The following CBR4 variants were observed in gnomAD, a reference collection of about 807,000 sequenced individuals.
CBR4 encodes carbonyl reductase 4.
In CBR4, 22 loss-of-function variants were observed where a neutral mutation model predicts 21.0. The ratio of observed to expected loss-of-function variants is 1.05; its 90% CI spans 0.75 to 1.50. The LOEUF is 1.50. Ranked by LOEUF, CBR4 falls within the 40% of genes most tolerant of loss-of-function variation. The probability of loss-of-function intolerance (pLI) is 0.00; values close to 1 mark genes in which losing one functional copy is unlikely to be tolerated. For synonymous variants in CBR4, 100 were observed against 104.4 expected (o/e 0.96, Z 0.26); for missense variants, 302 against 286.3 (o/e 1.05, Z -0.40).
rs80041639 is a variant in CBR4, at chr4:168,971,761, T to G, written n.169+30310A>C. 3.3e-5 allele frequency among the ~76,000 whole-genome samples: 5 copies of G among 151,670 alleles called. No individual in the cohort carries two copies. The East Asian group carries it at 9.6e-4, about 29-fold the overall frequency. On this transcript the variant is annotated intron_variant and non_coding_transcript_variant, in intron 2 of 3. Coordinates refer to the CBR4 transcript ENST00000509108. ...TCTGTGAGTTGTTTACGCTGCTGAT[T>G]ATTTCTTTTGCTGTGCAGAAGCTTT... is the stretch of plus-strand genomic sequence containing the variant.
chr4:168,904,401 T>C (rs1757186815), intron 2 of CBR4: 1 of 159,128 alleles, frequency 6.3e-6, no homozygotes, highest in Admixed American at 5.9e-5. Flanking sequence ...TTCAGGTTTA[T>C]CAGTTTTCAT....
intron 3 of CBR4, among the ~76,000 whole-genome samples, chr4:169,006,328 T>C (rs1440757662): frequency 6.6e-6 from 1 of 152,018 alleles, no homozygotes; most frequent in Non-Finnish European, 1.5e-5. Flanking sequence ...TAGTGTGACC[T>C]CGTCTCTATT....
At chr4:168,985,021 T>C (rs1300884210), downstream of CBR4, among the ~76,000 whole-genome samples, 1 of 151,812 alleles carries the variant, frequency 6.6e-6, no homozygotes, top group African/African-American at 2.4e-5. Context: ...TGATGAAGAT[T>C]CCAAAAGCAA....
rs1278879391 is a variant in CBR4, at chr4:168,988,427, A to C, written c.*1723T>G. 1.0e-6 allele frequency: 1 copy of C among 985,342 alleles called. No individual in the cohort carries two copies. Among genetic ancestry groups the C allele is most frequent in the African/African-American group, 1.7e-5 (1 of 57,242 alleles). 61.0% of individuals were successfully genotyped at this position (985,342 alleles called of 1,614,324 possible). On this transcript the variant is annotated 3_prime_UTR_variant, in exon 5 of 5. Transcript: ENST00000306193. ...ACCAATTGAATCAGCCTCGCTCATG[A>C]TTTCAGAGCATAAGGTGTCCAGAGA...
chr4:169,001,899 T>C (rs1434434976), intron 4 of CBR4, 172 bp downstream of exon 4: 8 of 486,094 alleles, frequency 1.6e-5, no homozygotes, highest in East Asian at 6.9e-5. Context: ...AGACTTTATA[T>C]AGAATATGAG....
chr4:168,994,000 A>G (rs1403464116), intron 4 of CBR4, among the ~76,000 whole-genome samples: 2 of 152,158 alleles, frequency 1.3e-5, no homozygotes, highest in East Asian at 3.9e-4. Flanking sequence ...GGTCACGGAG[A>G]CCTTAACACA....
At chr4:168,924,210 C>A in intron 2 of CBR4, 1 of 1,543,222 alleles carries the variant, frequency 6.5e-7, no homozygotes, top group South Asian at 1.1e-5. Context: ...TTCTAGTGCT[C>A]CTTTTGTATA....
chr4:168,969,688 GCAA>G (rs1012131503), intron 2 of CBR4, among the ~76,000 whole-genome samples: 3 of 152,074 alleles, frequency 2.0e-5, no homozygotes, highest in East Asian at 1.9e-4. Context: ...CCGGCTAACA[GCAA>G]CAACAACAAA....
downstream of CBR4, among the ~76,000 whole-genome samples, chr4:168,983,316 G>C (rs1212295127): frequency 6.6e-6 from 1 of 152,078 alleles, no homozygotes; most frequent in East Asian, 1.9e-4. Flanking sequence ...AGAAAACCTA[G>C]AAGAAATGGA....
At chr4:168,970,277 G>A (rs1052100989) in intron 2 of CBR4, among the ~76,000 whole-genome samples, 5 of 151,728 alleles carry the variant, frequency 3.3e-5, no homozygotes, top group South Asian at 4.2e-4. Context: ...TTATGTTTAA[G>A]AATTCCCGCC....
At chr4:168,977,456 G>C (rs574145422) in intron 2 of CBR4, among the ~76,000 whole-genome samples, 1 of 152,134 alleles carries the variant, frequency 6.6e-6, no homozygotes, top group South Asian at 2.1e-4. Context: ...GTTCCTCAAG[G>C]TTCCATCCTA....
intron 2 of CBR4, among the ~76,000 whole-genome samples, chr4:168,911,365 A>G (rs1758912237): frequency 6.6e-6 from 1 of 152,172 alleles, no homozygotes; most frequent in Admixed American, 6.5e-5. Flanking sequence ...CTTACCATGG[A>G]TCTTCTGAGC....
At chr4:168,949,765 T>C (rs1763487957) in intron 2 of CBR4, among the ~76,000 whole-genome samples, 1 of 152,148 alleles carries the variant, frequency 6.6e-6, no homozygotes. Context: ...TTTTTGTTAA[T>C]TTTTAAATTA....
intron 2 of CBR4, chr4:168,904,098 A>G (rs1302916251): frequency 6.6e-6 from 4 of 606,804 alleles, no homozygotes; most frequent in Non-Finnish European, 1.2e-5. Flanking sequence ...TATTTATTCC[A>G]TCAGGTGTTA....
In CBR4 at chr4:169,007,735, C is replaced by T. The variant is rs1216865001; in HGVS notation, c.164G>A (p.Cys55Tyr). The T allele has an allele frequency of 1.3e-6, 2 of 1,583,772 alleles. No individual in the cohort carries two copies. The highest frequency in any genetic ancestry group is 1.4e-5 in the African/African-American group (1 of 73,668). The change falls in exon 2 of 5, where the codon TGT becomes TAT. Residue 55 changes from cysteine (C) to tyrosine (Y), a missense_variant. Coordinates refer to ENST00000306193, the MANE Select transcript of CBR4 (RefSeq NM_032783.5). ...DLGGDHLAFSCDVAKEHDVQN... is the reference protein window; with the variant it reads ...DLGGDHLAFSYDVAKEHDVQN... ...AACATCATGTTCTTTAGCAACATCA[C>T]AGCTAAATGCCAAATGATCTCCTAC...
chr4:168,925,295 T>C (rs1347038093), intron 2 of CBR4: 4 of 1,582,428 alleles, frequency 2.5e-6, no homozygotes, highest in African/African-American at 1.3e-5. Context: ...TTCAGGAACT[T>C]TGAATTATTA....
At chr4:168,959,874 T>TAAA (rs70961565) in intron 2 of CBR4, among the ~76,000 whole-genome samples, 4 of 143,700 alleles carry the variant, frequency 2.8e-5, no homozygotes, top group South Asian at 2.2e-4. Context: ...CAATTTCTAT[T>TAAA]AAAAAAAAAA....
At chr4:168,906,489 A>C (rs1757823789) in intron 2 of CBR4, among the ~76,000 whole-genome samples, 1 of 152,176 alleles carries the variant, frequency 6.6e-6, no homozygotes, top group African/African-American at 2.4e-5. Context: ...CTCTTGACAA[A>C]TTATTATGAA....
intron 2 of CBR4, among the ~76,000 whole-genome samples, chr4:168,895,375 C>T (rs1038651933): frequency 1.3e-5 from 2 of 152,128 alleles, no homozygotes; most frequent in Admixed American, 6.5e-5. Flanking sequence ...AGTGAGACTT[C>T]GTCTCCAAAA....
Sources: allele counts gnomAD v4.1 joint callset (sites outside exome capture counted in the v4.1 genomes callset), GRCh38; gene constraint gnomAD v4.1.1; transcripts MANE v1.5; gene names NCBI Gene and HGNC (gene_info 2026-07-23, HGNC 2026-07-21).